The following ASTN2 variants were observed in gnomAD, a reference collection of about 807,000 sequenced individuals.
ASTN2 encodes astrotactin-2.
In ASTN2, 54 loss-of-function variants were observed where a neutral mutation model predicts 139.8. The ratio of observed to expected loss-of-function variants is 0.39; its 90% CI spans 0.31 to 0.48. The LOEUF (loss-of-function observed/expected upper bound fraction) is 0.48, where lower values mean the gene tolerates loss of function less well. Among genes scored for constraint, ASTN2 ranks in the 20% least tolerant of loss-of-function variants. ASTN2 has a pLI of 0.95. For missense variants in ASTN2, 1,565 were observed against 1,725.1 expected (o/e 0.91, Z 1.64); for synonymous variants, 756 against 719.5 (o/e 1.05, Z -0.81).
At chr9:117,268,764 C>T (rs1028361164) in intron 2 of ASTN2, among the ~76,000 whole-genome samples, 2 of 152,132 alleles carry the variant, frequency 1.3e-5, no homozygotes, top group Non-Finnish European at 2.9e-5. Flanking sequence ...CCAGTTCCTA[C>T]AATGTGACAT....
chr9:117,270,562 T>C (rs760362227), intron 2 of ASTN2, among the ~76,000 whole-genome samples: 8 of 152,232 alleles, frequency 5.3e-5, no homozygotes, highest in Non-Finnish European at 7.3e-5. Context: ...AGGGCATTCC[T>C]AACCTTTCAA....
intron 3 of ASTN2, among the ~76,000 whole-genome samples, chr9:117,204,384 T>A (rs1030651722): frequency 6.6e-6 from 1 of 152,222 alleles, no homozygotes; most frequent in African/African-American, 2.4e-5. Context: ...ATTGATCAAC[T>A]GATGGATCAA....
At chr9:116,550,256 T>C (rs1852283029) in intron 19 of ASTN2, among the ~76,000 whole-genome samples, 1 of 152,208 alleles carries the variant, frequency 6.6e-6, no homozygotes, top group African/African-American at 2.4e-5. Context: ...GTGACAGATC[T>C]GGGTTTCAAT....
intron 13 of ASTN2, among the ~76,000 whole-genome samples, chr9:116,752,596 A>G (rs1403857363): frequency 3.3e-5 from 5 of 152,218 alleles, no homozygotes; most frequent in Admixed American, 3.3e-4. Flanking sequence ...AAGACACGCT[A>G]TAGACTGGGA....
At chr9:116,492,337 C>T (rs1849541814) in intron 19 of ASTN2, among the ~76,000 whole-genome samples, 2 of 152,144 alleles carry the variant, frequency 1.3e-5, no homozygotes, top group Admixed American at 6.5e-5. Context: ...CTGCTTCAGC[C>T]TCCCAAAGTG....
At chr9:117,006,435 ATTCTC>A (rs1157837920) in intron 7 of ASTN2, among the ~76,000 whole-genome samples, 1 of 152,156 alleles carries the variant, frequency 6.6e-6, no homozygotes, top group Non-Finnish European at 1.5e-5. Flanking sequence ...CTTGCATTCT[ATTCTC>A]AGTAATAAAT....
At position 116,999,548 on chromosome 9, in the gene ASTN2, CTTTTTTTTTT is replaced by C. The variant is rs71379248; in HGVS notation, c.1591+8534_1591+8543del. The stretch of plus-strand genomic sequence containing the variant: ...TTCCTCTTTCTTTCTTTCTCTCTTT[CTTTTTTTTTT>C]TTTTTTTTTTTTTTTTTTTTGGACA... On this transcript the variant is annotated intron_variant, in intron 7 of 22. Coordinates refer to ENST00000313400, the MANE Select transcript of ASTN2 (RefSeq NM_001365068.1). Among the ~76,000 whole-genome samples the C allele has an allele frequency of 8.7e-4, 83 of 94,968 alleles. 2 individuals are homozygous for C. The East Asian group carries it at 0.014, about 16-fold the overall frequency. The allele number at this position is 94,968 out of a possible 152,430, so 62.3% of individuals were successfully genotyped here. A position where few individuals can be genotyped will look rare whatever the true frequency, so the allele number is the denominator to read the frequency against.
chr9:117,034,301 T>C (rs1838324468), intron 6 of ASTN2, among the ~76,000 whole-genome samples: 1 of 152,182 alleles, frequency 6.6e-6, no homozygotes, highest in Non-Finnish European at 1.5e-5. Context: ...AACCAATAAC[T>C]ATTTCTCAAT....
At chr9:116,984,479 G>C (rs892807147) in intron 7 of ASTN2, among the ~76,000 whole-genome samples, 10 of 152,106 alleles carry the variant, frequency 6.6e-5, no homozygotes, top group African/African-American at 2.2e-4. Context: ...GAGTCTATTG[G>C]TAAGAGCAGG....
chr9:117,312,703 C>T (rs1053793304), intron 1 of ASTN2, among the ~76,000 whole-genome samples: 3 of 152,136 alleles, frequency 2.0e-5, no homozygotes, highest in Admixed American at 1.3e-4. Context: ...AACTCAGGGT[C>T]CAGGGCTCCA....
intron 1 of ASTN2, among the ~76,000 whole-genome samples, chr9:117,298,445 G>A (rs191670601): frequency 7.2e-4 from 109 of 152,110 alleles, no homozygotes; most frequent in Non-Finnish European, 1.1e-3. Flanking sequence ...CAAGCTCTTC[G>A]CTTCTTCATG....
chr9:117,141,301 G>A (rs376002343), intron 4 of ASTN2, 25 bp downstream of exon 4: 572 of 1,365,132 alleles, frequency 4.2e-4, no homozygotes, highest in Non-Finnish European at 5.4e-4. Context: ...CTGACTTCCT[G>A]GCCAGATGTG....
intron 3 of ASTN2, among the ~76,000 whole-genome samples, chr9:117,209,490 C>T (rs1832049555): frequency 6.6e-6 from 1 of 151,964 alleles, no homozygotes. Flanking sequence ...GAGATCAATA[C>T]AGCAAGAGAA....
rs557706575 is a variant in ASTN2, at chr9:116,801,736, T to C, written c.2396+3896A>G. ...CTTAGCATGGTTCCAAGAGGATACATGGTCTGGAGATGGAAATAATTGCAA... is the reference window on the plus strand; with the variant it reads ...CTTAGCATGGTTCCAAGAGGATACACGGTCTGGAGATGGAAATAATTGCAA... On this transcript the variant is annotated intron_variant, in intron 13 of 22. Coordinates refer to ENST00000313400, the MANE Select transcript of ASTN2 (RefSeq NM_001365068.1). Among the ~76,000 whole-genome samples the C allele has an allele frequency of 2.7e-4, 41 of 151,770 alleles. No individual in the cohort carries two copies. The South Asian group carries it at 8.1e-3, about 30-fold the overall frequency.
intron 11 of ASTN2, among the ~76,000 whole-genome samples, chr9:116,839,678 A>T (rs4612425): frequency 0.26 from 38,278 of 150,056 alleles, 5,699 homozygotes; most frequent in East Asian, 0.5. Flanking sequence ...GTATATATAT[A>T]TTTTTTTCCT....
chr9:116,600,963 T>TA (rs1055723122), intron 19 of ASTN2, among the ~76,000 whole-genome samples: 4 of 151,830 alleles, frequency 2.6e-5, no homozygotes, highest in African/African-American at 9.7e-5. Flanking sequence ...ATAGGGTGAT[T>TA]AAAAAAAAGA....
intron 1 of ASTN2, among the ~76,000 whole-genome samples, chr9:117,354,505 T>C (rs1564162214): frequency 6.6e-6 from 1 of 152,206 alleles, no homozygotes; most frequent in Non-Finnish European, 1.5e-5. Context: ...TCTTGAGCCA[T>C]GAAAACTGAG....
intron 3 of ASTN2, among the ~76,000 whole-genome samples, chr9:117,195,477 G>T (rs925902889): frequency 2.0e-5 from 3 of 152,120 alleles, no homozygotes; most frequent in Admixed American, 6.6e-5. Context: ...GGAAGAGGAT[G>T]GGATAAAAGC....
intron 13 of ASTN2, among the ~76,000 whole-genome samples, chr9:116,794,061 T>C (rs1564270844): frequency 6.6e-6 from 1 of 151,120 alleles, no homozygotes. Flanking sequence ...ATAGCTGATA[T>C]GCAAAACAAA....
Sources: gnomAD v4.1 joint callset for allele counts (sites outside exome capture counted in the v4.1 genomes callset) on GRCh38, gnomAD v4.1.1 for gene constraint, MANE v1.5 for transcripts, NCBI Gene and HGNC (gene_info 2026-07-23, HGNC 2026-07-21) for gene names.